The following FAR1 variants were observed in gnomAD, a reference collection of about 807,000 sequenced individuals.
FAR1 encodes the protein male sterility domain-containing protein 2.
A neutral mutation model predicts 61.1 loss-of-function variants in FAR1; 22 were observed. The observed-to-expected ratio is 0.36, with a 90% CI of 0.26 to 0.51. The LOEUF is 0.51. Among genes scored for constraint, FAR1 ranks in the 20% least tolerant of loss-of-function variants. The pLI is 0.95. For missense variants in FAR1, 359 were observed against 626.9 expected (o/e 0.57, Z 4.56); for synonymous variants, 206 against 209.7 (o/e 0.98, Z 0.15).
chr11:13,704,869 A>T (rs1848416699), intron 3 of FAR1, among the ~76,000 whole-genome samples: 1 of 152,172 alleles, frequency 6.6e-6, no homozygotes, highest in Non-Finnish European at 1.5e-5. Context: ...ACCTCATTTC[A>T]TGTGTTAAAA....
chr11:13,695,045 T>C (rs1848293851), intron 2 of FAR1, 91 bp downstream of exon 2: 3 of 1,067,538 alleles, frequency 2.8e-6, no homozygotes, highest in Non-Finnish European at 3.8e-6. Context: ...GGTATATTTC[T>C]TCAGTATTCT....
intron 3 of FAR1, among the ~76,000 whole-genome samples, chr11:13,702,311 T>C (rs1017489954): frequency 1.3e-5 from 2 of 152,178 alleles, no homozygotes; most frequent in African/African-American, 4.8e-5. Flanking sequence ...TAGTCTTACC[T>C]GTATATTATT....
At chr11:13,686,365 T>C (rs1276385534) in intron 1 of FAR1, among the ~76,000 whole-genome samples, 1 of 152,212 alleles carries the variant, frequency 6.6e-6, no homozygotes. Flanking sequence ...ACCCCACTTC[T>C]TATATATTTG....
intron 10 of FAR1, among the ~76,000 whole-genome samples, chr11:13,726,663 G>A (rs1222230484): frequency 1.3e-5 from 2 of 151,386 alleles, no homozygotes; most frequent in African/African-American, 2.4e-5. Context: ...TTTTGAATTG[G>A]TGACTTGGTT....
chr11:13,685,889 G>A (rs1488459096), intron 1 of FAR1, among the ~76,000 whole-genome samples: 1 of 152,208 alleles, frequency 6.6e-6, no homozygotes, highest in Non-Finnish European at 1.5e-5. Flanking sequence ...CTGAGGCCTT[G>A]TAGTGGAGAC....
In FAR1 at chr11:13,727,634, T is replaced by C. The variant is rs138166066; in HGVS notation, c.1336T>C (p.Leu446=). 2.7e-5 allele frequency: 44 copies of C among 1,610,718 alleles called. No homozygotes were observed. In the African/African-American group the frequency reaches 3.7e-4, roughly 14 times the overall value. ...NYCLGTKKYV[L]NEEMSGLPAA... ...CTGCTTGGGAACTAAGAAGTACGTA[T>C]TGAATGAAGAAATGTCTGGCCTCCC... Residue 446 remains leucine, a synonymous_variant, in exon 11 of 12, where the codon TTG becomes CTG. Coordinates refer to ENST00000354817, the MANE Select transcript of FAR1 (RefSeq NM_032228.6).
At position 13,695,737 on chromosome 11, in the gene FAR1, G is replaced by A. The variant is rs577725365; in HGVS notation, c.189+783G>A. 1.2e-3 allele frequency among the ~76,000 whole-genome samples: 187 copies of A among 152,206 alleles called. 1 individual carries two copies. The highest frequency in any genetic ancestry group is 4.3e-3 in the African/African-American group (177 of 41,554). On this transcript the variant is annotated intron_variant, in intron 2 of 11. Coordinates refer to ENST00000354817, the MANE Select transcript of FAR1 (RefSeq NM_032228.6). ...CCTCTTAAAAAATCCTGAAACTGTAGCAAGCCTCTTCATAGCAACCAACCA... is the reference window on the plus strand; with the variant it reads ...CCTCTTAAAAAATCCTGAAACTGTAACAAGCCTCTTCATAGCAACCAACCA...
chr11:13,676,580 T>C (rs1233223712), intron 1 of FAR1, among the ~76,000 whole-genome samples: 1 of 152,182 alleles, frequency 6.6e-6, no homozygotes, highest in Non-Finnish European at 1.5e-5. Context: ...CAAGTGCTCA[T>C]AGTTCACTTA....
At chr11:13,711,363 A>G (rs781317908) in intron 5 of FAR1, among the ~76,000 whole-genome samples, 7 of 151,922 alleles carry the variant, frequency 4.6e-5, no homozygotes, top group African/African-American at 1.2e-4. Context: ...CAATTATTCT[A>G]TTTTTCTCTG....
At chr11:13,712,480 A>T (rs1435185294) in intron 7 of FAR1, among the ~76,000 whole-genome samples, 1 of 152,080 alleles carries the variant, frequency 6.6e-6, no homozygotes, top group African/African-American at 2.4e-5. Context: ...GGTAACACTT[A>T]AACTTTAAAC....
intron 10 of FAR1, among the ~76,000 whole-genome samples, chr11:13,726,982 C>G (rs1281785863): frequency 1.3e-5 from 2 of 151,976 alleles, no homozygotes; most frequent in Admixed American, 1.3e-4. Flanking sequence ...ATGCATAGCC[C>G]TCTTACTTTG....
At chr11:13,703,563 G>A (rs1373812396) in intron 3 of FAR1, among the ~76,000 whole-genome samples, 2 of 152,182 alleles carry the variant, frequency 1.3e-5, no homozygotes, top group Admixed American at 6.5e-5. Context: ...GTCTAGAGGC[G>A]ATAGGATATG....
At chr11:13,702,110 A>G (rs142050558) in intron 3 of FAR1, among the ~76,000 whole-genome samples, 204 of 152,204 alleles carry the variant, frequency 1.3e-3, no homozygotes, top group African/African-American at 4.7e-3. Flanking sequence ...AGCTCTTTCT[A>G]TGCAGCTGAC....
At position 13,700,309 on chromosome 11, in the gene FAR1, C is replaced by A; in HGVS notation, c.190-8C>A. 6.4e-7 allele frequency: 1 copy of A among 1,554,114 alleles called. No individual in the cohort carries two copies. Among genetic ancestry groups the A allele is most frequent in the Admixed American group, 2.2e-5 (1 of 45,928 alleles). On this transcript the variant is annotated splice_region_variant and splice_polypyrimidine_tract_variant and intron_variant, in intron 2 of 11. Coordinates refer to ENST00000354817, the MANE Select transcript of FAR1 (RefSeq NM_032228.6). Reference sequence around the variant, plus strand: ...TGCTGTAAAATAAATATTTTTCCCTCTTGATAGCTTTTTGACAGATTGAGA... The same window carrying A: ...TGCTGTAAAATAAATATTTTTCCCTATTGATAGCTTTTTGACAGATTGAGA...
chr11:13,725,290 A>G (rs908234797), intron 10 of FAR1, among the ~76,000 whole-genome samples: 5 of 152,216 alleles, frequency 3.3e-5, no homozygotes, highest in Admixed American at 6.5e-5. Context: ...TCCAGAGGGC[A>G]GTGTATGAGA....
Position 13,727,549 on chromosome 11 carries a change from A to C in FAR1, c.1258-7A>C, listed in dbSNP as rs374866963. On this transcript the variant is annotated splice_polypyrimidine_tract_variant and splice_region_variant and intron_variant, in intron 10 of 11. Coordinates refer to ENST00000354817, the MANE Select transcript of FAR1 (RefSeq NM_032228.6). ...GAAAATAATCAGTAATTTTTTTGTT[A>C]ACGTAGACCTTCAATATTGATGTAC... The C allele has an allele frequency of 7.0e-6, 11 of 1,580,504 alleles. No homozygotes were observed. The African/African-American group carries it at 8.2e-5, about 12-fold the overall frequency.
intron 8 of FAR1, among the ~76,000 whole-genome samples, chr11:13,713,609 T>A (rs1486126844): frequency 1.3e-5 from 2 of 152,118 alleles, no homozygotes; most frequent in Admixed American, 6.6e-5. Context: ...AATTTTAAAT[T>A]GTTGGTTGAT....
chr11:13,686,881 G>C (rs1848192684), intron 1 of FAR1, among the ~76,000 whole-genome samples: 1 of 152,158 alleles, frequency 6.6e-6, no homozygotes. Flanking sequence ...ATTGAGTGGG[G>C]TGTTACCTTA....
intron 1 of FAR1, among the ~76,000 whole-genome samples, chr11:13,674,742 T>A (rs184771231): frequency 2.0e-5 from 3 of 152,338 alleles, no homozygotes; most frequent in Admixed American, 1.3e-4. Flanking sequence ...AAAAATTTTT[T>A]AAATAAAGTA....
Sources: allele counts gnomAD v4.1 joint callset (sites outside exome capture counted in the v4.1 genomes callset), GRCh38; gene constraint gnomAD v4.1.1; transcripts MANE v1.5; gene names NCBI Gene and HGNC (gene_info 2026-07-23, HGNC 2026-07-21).